Variants in LYST observed in about 807,000 individuals in gnomAD.
The protein encoded by LYST is lysosomal trafficking regulator.
LYST carries 192 observed loss-of-function variants against 413.6 expected under a neutral mutation model. The ratio of observed to expected loss-of-function variants is 0.46; its 90% confidence interval spans 0.41 to 0.52. LYST has a LOEUF of 0.52. LYST is among the 20% of genes least tolerant of loss of function. The pLI is 0.00. For missense variants in LYST, 3,815 were observed against 4,499.9 expected, an observed-to-expected ratio of 0.85 and a Z score of 4.35; for synonymous variants, 1,525 against 1,567.3, an observed-to-expected ratio of 0.97 and a Z score of 0.64.
In LYST at chr1:235,806,598, C is replaced by G. The variant is rs1672863844; in HGVS notation, c.2538G>C (p.Gln846His). The G allele has an allele frequency of 6.2e-7, 1 of 1,614,114 alleles. No individual in the cohort carries two copies. The highest frequency in any genetic ancestry group is 2.2e-5 in the East Asian group (1 of 44,864). The change falls in exon 6 of 53, where the codon CAG (glutamine) becomes CAC (histidine). Residue 846 changes from glutamine (Q) to histidine (H), a missense_variant. Physicochemically the swap from Gln to His is conservative, Grantham distance 24 (BLOSUM62 0). Around this residue, in one of 4 missense-constraint regions of LYST, gnomAD observed 1,648 missense variants for 1,810.3 expected, o/e 0.91. Coordinates refer to ENST00000389793, the MANE Select transcript of LYST (RefSeq NM_000081.4). ...CCACATGTACAGAGGACAACTCCTT[C>G]TGTTCAATGTCTATCCCATCAATAT... ...VPDIDGIDIEQKELSSVHVGT... is the reference protein window; with the variant it reads ...VPDIDGIDIEHKELSSVHVGT...
At chr1:235,675,444 T>A (rs1057423982) in intron 50 of LYST, among the ~76,000 whole-genome samples, 1 of 152,196 alleles carries the variant, frequency 6.6e-6, no homozygotes, top group African/African-American at 2.4e-5. Flanking sequence ...ATCTCCTTTT[T>A]TCGGTGTGCT....
intron 1 of LYST, among the ~76,000 whole-genome samples, chr1:235,872,725 G>A (rs1229534148): frequency 2.6e-5 from 4 of 152,032 alleles, no homozygotes; most frequent in Non-Finnish European, 1.5e-5. Context: ...GACCAGCCTG[G>A]CCAACATGGT....
rs1558165389 is a variant in LYST at position 235,733,586 on chromosome 1, G to A, written c.8718C>T (p.Ile2906=). 8.7e-6 allele frequency: 14 copies of A among 1,613,722 alleles called. No homozygotes were observed. Among genetic ancestry groups the A allele is most frequent in the African/African-American group, 1.3e-5 (1 of 74,992 alleles). The change falls in exon 34 of 53, where the codon ATC becomes ATT. Residue 2906 remains isoleucine (I), a synonymous_variant. Transcript: ENST00000389793. ...CTTTATACATTCCTCTAATATGCTG[G>A]ATCACCTTTTTTCTCTCATTTCCTT... The part of the protein sequence containing the change: ...LSQGNERKKV[I]QHIRGMYKVD...
intron 1 of LYST, among the ~76,000 whole-genome samples, chr1:235,874,280 T>C (rs911251448): frequency 6.6e-6 from 1 of 152,212 alleles, no homozygotes; most frequent in Admixed American, 6.5e-5. Context: ...CAGACCTTCA[T>C]TCAGTTATTG....
Position 235,751,321 on chromosome 1 carries a change from T to C in LYST, c.7669A>G (p.Met2557Val), listed in dbSNP as rs1049650268. The change falls in exon 28 of 53, where the codon ATG (methionine) becomes GTG (valine). Residue 2557 changes from methionine to valine, a missense_variant. Transcript: ENST00000389793. ...ALQLRVLQAAMEFIRTTANHD... is the reference protein window; with the variant it reads ...ALQLRVLQAAVEFIRTTANHD... ...TTTGCGGTGGTCCTTATAAATTCCA[T>C]AGCAGCCTGGAGAACTCTAAGCTGT... The C allele has an allele frequency of 5.6e-6, 9 of 1,613,480 alleles. No individual in the cohort carries two copies. Among genetic ancestry groups the C allele is most frequent in the South Asian group, 2.2e-5 (2 of 91,072 alleles).
At chr1:235,842,046 C>G (rs1046253818) in intron 1 of LYST, among the ~76,000 whole-genome samples, 8 of 152,004 alleles carry the variant, frequency 5.3e-5, no homozygotes, top group African/African-American at 1.9e-4. Flanking sequence ...TCAGATTCAC[C>G]AGCAGGATTC....
intron 50 of LYST, among the ~76,000 whole-genome samples, chr1:235,676,652 T>C (rs1659403438): frequency 6.6e-6 from 1 of 152,234 alleles, no homozygotes; most frequent in South Asian, 2.1e-4. Context: ...GATGGAATGC[T>C]GCCTGATTCA....
chr1:235,852,459 C>G (rs752872919), intron 1 of LYST, among the ~76,000 whole-genome samples: 1 of 152,166 alleles, frequency 6.6e-6, no homozygotes, highest in Non-Finnish European at 1.5e-5. Flanking sequence ...GAGGTAATCT[C>G]AGCACTTTGC....
Position 235,810,495 on chromosome 1 carries a change from T to G in LYST, c.323A>C (p.Lys108Thr), listed in dbSNP as rs1673347955. 6.2e-7 allele frequency: 1 copy of G among 1,611,588 alleles called. No individual in the cohort carries two copies. The highest frequency in any genetic ancestry group is 8.5e-7 in the Non-Finnish European group (1 of 1,179,572). ...LPLSADIILT[K>T]EKNSSSQRST... Reference sequence around the variant, plus strand: ...TCTTTGTGAACTTGAGTTCTTTTCTTTGGTCAGGATTATATCTGCTGAGAG... The same window carrying G: ...TCTTTGTGAACTTGAGTTCTTTTCTGTGGTCAGGATTATATCTGCTGAGAG... The change falls in exon 5 of 53, where the codon AAA (lysine) becomes ACA (threonine). Residue 108 changes from lysine (K) to threonine (T), a missense_variant. Transcript: ENST00000389793.
chr1:235,877,697 C>T lies in LYST; in HGVS notation n.454+5490G>A, dbSNP rs572889392. On this transcript the variant is annotated intron_variant and non_coding_transcript_variant, in intron 1 of 11. Coordinates refer to the LYST transcript ENST00000465349. Reference sequence around the variant, plus strand: ...CTAGGATTACAAGCGTGAGCCACCGCGCCTGGCCGGTCAACTTTCTTTTTT... The same window carrying T: ...CTAGGATTACAAGCGTGAGCCACCGTGCCTGGCCGGTCAACTTTCTTTTTT... 3.3e-5 allele frequency among the ~76,000 whole-genome samples: 5 copies of T among 152,164 alleles called. No homozygotes were observed. The South Asian group carries it at 8.3e-4, about 25-fold the overall frequency.
chr1:235,882,762 G>A (rs1489184650), intron 1 of LYST, among the ~76,000 whole-genome samples: 1 of 152,148 alleles, frequency 6.6e-6, no homozygotes, highest in Non-Finnish European at 1.5e-5. Context: ...ATAAGTCCAT[G>A]TTGGAGATGT....
chr1:235,844,159 T>C (rs1677522319), intron 1 of LYST, among the ~76,000 whole-genome samples: 1 of 152,160 alleles, frequency 6.6e-6, no homozygotes, highest in Admixed American at 6.6e-5. Context: ...CTATTCTAAA[T>C]CCCAGCTCTC....
intron 1 of LYST, among the ~76,000 whole-genome samples, chr1:235,874,725 A>T (rs1045960669): frequency 3.3e-5 from 5 of 152,154 alleles, no homozygotes; most frequent in African/African-American, 9.7e-5. Context: ...AACAGTTTGG[A>T]TGTCTCAAAT....
intron 3 of LYST, among the ~76,000 whole-genome samples, chr1:235,817,661 C>A (rs1674311554): frequency 6.6e-6 from 1 of 152,036 alleles, no homozygotes; most frequent in Non-Finnish European, 1.5e-5. Flanking sequence ...GGGAGCTAAA[C>A]CTTGGGTACA....
chr1:235,720,541 G>A, intron 40 of LYST, 120 bp downstream of exon 40: 1 of 957,118 alleles, frequency 1.0e-6, no homozygotes. Flanking sequence ...ATAGGTATGT[G>A]GGGTCTTATA....
In LYST at chr1:235,702,961, T is replaced by A; in HGVS notation, c.10160A>T (p.Asp3387Val). 8 of 1,613,342 alleles carry A rather than the reference T, an allele frequency of 5.0e-6. No homozygotes were observed. Among genetic ancestry groups the A allele is most frequent in the Non-Finnish European group, 5.1e-6 (6 of 1,179,286 alleles). The change falls in exon 45 of 53, where the codon GAT (aspartate) becomes GTT (valine). Residue 3387 changes from aspartate (D) to valine (V), a missense_variant. By Grantham distance (152) the Asp-to-Val change is radical. Transcript: ENST00000389793. ...VFHPATYFGM[D>V]VSAVEDPVQR... is the part of the protein sequence containing the mutation. ...AACTGGATCTTCAACTGCAGAGACA[T>A]CCATTCCAAAATATGTCTGCAGAGT...
chr1:235,833,427 T>C (rs776052328), intron 2 of LYST, among the ~76,000 whole-genome samples, 151 bp downstream of exon 2: 8 of 152,160 alleles, frequency 5.3e-5, no homozygotes, highest in African/African-American at 1.4e-4. Context: ...CAATATACCA[T>C]TGTATGAATA....
At chr1:235,856,944 T>G (rs1679258732) in intron 1 of LYST, among the ~76,000 whole-genome samples, 1 of 48,944 alleles carries the variant, frequency 2.0e-5, no homozygotes, top group African/African-American at 1.6e-4. Context: ...ATACTGATTT[T>G]TTTTTTTTTT....
At chr1:235,742,570 T>TTA (rs35428246) in intron 30 of LYST, among the ~76,000 whole-genome samples, 44,748 of 146,718 alleles carry the variant, frequency 0.3, 7,109 homozygotes, top group African/African-American at 0.41. Flanking sequence ...AAATTTTATG[T>TTA]TATATATATA....
Sources: gnomAD v4.1 joint callset for allele counts (sites outside exome capture counted in the v4.1 genomes callset) on GRCh38, gnomAD v4.1.1 for gene constraint, gnomAD v4.1.1 regional missense constraint, MANE v1.5 for transcripts, NCBI Gene and HGNC (gene_info 2026-07-23, HGNC 2026-07-21) for gene names.